The following ANKRD45 variants were observed in gnomAD, a reference collection of about 807,000 sequenced individuals.
ANKRD45 encodes ankyrin repeat domain-containing protein 45.
A neutral mutation model predicts 28.1 loss-of-function variants in ANKRD45; 21 were observed. The observed-to-expected ratio is 0.75, with a 90% confidence interval of 0.53 to 1.08. The LOEUF is 1.08. ANKRD45 is among the 50% of genes least tolerant of loss of function. The probability of loss-of-function intolerance (pLI) is 0.00; values close to 1 mark genes in which losing one functional copy is unlikely to be tolerated. For synonymous variants in ANKRD45, 86 were observed against 103.9 expected, an observed-to-expected ratio of 0.83 and a Z score of 1.05; for missense variants, 261 against 308.7, an observed-to-expected ratio of 0.85 and a Z score of 1.16.
intron 3 of ANKRD45, among the ~76,000 whole-genome samples, chr1:173,642,259 A>G (rs1276411267): frequency 6.6e-6 from 1 of 152,202 alleles, no homozygotes; most frequent in Non-Finnish European, 1.5e-5. Flanking sequence ...ACTTATTCTC[A>G]TAGGCTGTTG....
chr1:173,635,985 C>A, intron 3 of ANKRD45: 1 of 654,570 alleles, frequency 1.5e-6, no homozygotes, highest in Non-Finnish European at 2.6e-6. Flanking sequence ...TTCCCAGCAT[C>A]TAGCACAGTA....
chr1:173,659,059 G>A, intron 2 of ANKRD45, 32 bp downstream of exon 2: 1 of 1,600,032 alleles, frequency 6.2e-7, no homozygotes, highest in Non-Finnish European at 8.5e-7. Flanking sequence ...GTAGTCATAA[G>A]TAATACTGAT....
intron 5 of ANKRD45, among the ~76,000 whole-genome samples, 182 bp downstream of exon 5, chr1:173,624,605 T>G (rs1042044687): frequency 1.3e-5 from 2 of 152,234 alleles, no homozygotes; most frequent in African/African-American, 4.8e-5. Flanking sequence ...ATTCAGTTAT[T>G]ATTAGTTATT....
In ANKRD45 at chr1:173,647,949, A is replaced by AT. The variant is rs556705860; in HGVS notation, c.329-937dup. On this transcript the variant is annotated intron_variant, in intron 2 of 5. Transcript: ENST00000333279. ...TAGGCTCATGCCAGCATGCCCAGAT[A>AT]TTTTTTTTTTTTTAGATGGAGTCTT... Among the ~76,000 whole-genome samples the AT allele has an allele frequency of 5.9e-4, 85 of 145,104 alleles. 1 individual carries two copies. Among genetic ancestry groups the AT allele is most frequent in the South Asian group, 1.1e-3 (5 of 4,530 alleles).
intron 3 of ANKRD45, among the ~76,000 whole-genome samples, chr1:173,631,473 A>G (rs1668194138): frequency 6.6e-6 from 1 of 152,168 alleles, no homozygotes; most frequent in Non-Finnish European, 1.5e-5. Flanking sequence ...AATCTACACT[A>G]CAGACCAAAT....
At chr1:173,669,242 G>C (rs867418903) in intron 1 of ANKRD45, among the ~76,000 whole-genome samples, 1 of 152,112 alleles carries the variant, frequency 6.6e-6, no homozygotes, top group Non-Finnish European at 1.5e-5. Context: ...GTGAAACCTC[G>C]ATAGTGAAGA....
In ANKRD45 at chr1:173,627,069, T is replaced by C. The variant is rs2102327987; in HGVS notation, c.587A>G (p.Asp196Gly). The change falls in exon 4 of 6, where the codon GAC becomes GGC. Residue 196 changes from aspartate (D) to glycine (G), a missense_variant. By Grantham distance (94) the Asp-to-Gly change is moderately conservative. Transcript: ENST00000333279. ...GCAATAATCACAATACAGTACCTTGTCTTCCTTAAGGAGTTTCCCTGATCC... is the reference window on the plus strand; with the variant it reads ...GCAATAATCACAATACAGTACCTTGCCTTCCTTAAGGAGTTTCCCTGATCC... Reference protein sequence around the residue: ...EKGSGKLLKEDKNTILSACRA... With the variant: ...EKGSGKLLKEGKNTILSACRA... The C allele has an allele frequency of 6.2e-7, 1 of 1,600,942 alleles. No homozygotes were observed. The highest frequency in any genetic ancestry group is 1.7e-4 in the Middle Eastern group (1 of 6,040).
At chr1:173,674,715 C>G (rs1571799746), upstream of ANKRD45, among the ~76,000 whole-genome samples, 1 of 152,160 alleles carries the variant, frequency 6.6e-6, no homozygotes, top group African/African-American at 2.4e-5. Flanking sequence ...AGGAGGCAAT[C>G]AGATATGCAT....
the ANKRD45 span, among the ~76,000 whole-genome samples, chr1:173,686,392 TGC>T: frequency 6.6e-6 from 1 of 152,172 alleles, no homozygotes; most frequent in Non-Finnish European, 1.5e-5. Context: ...GAGGGGATGG[TGC>T]TTTCTTGACT....
chr1:173,629,775 C>T lies in ANKRD45; in HGVS notation c.497-2616G>A, dbSNP rs147328706. On this transcript the variant is annotated intron_variant, in intron 3 of 5. Transcript: ENST00000333279. ...ATAATATTAATTAAAAAAAGAACTT[C>T]CCAAACCTAGAGAAATATATCAATA... Among the ~76,000 whole-genome samples, 705 of 152,064 alleles carry T rather than the reference C, an allele frequency of 4.6e-3. 5 individuals carry two copies. The highest frequency in any genetic ancestry group is 0.01 in the Admixed American group (153 of 15,284).
chr1:173,624,554 G>T (rs1193931635), intron 5 of ANKRD45, among the ~76,000 whole-genome samples: 2 of 151,464 alleles, frequency 1.3e-5, no homozygotes, highest in East Asian at 3.9e-4. Flanking sequence ...GACTGATGAT[G>T]GTAATATTAA....
the ANKRD45 span, among the ~76,000 whole-genome samples, chr1:173,684,978 G>A: frequency 6.6e-6 from 1 of 152,318 alleles, no homozygotes; most frequent in African/African-American, 2.4e-5. Context: ...GGTATTCCCT[G>A]TGGGACTTTA....
intron 3 of ANKRD45, among the ~76,000 whole-genome samples, chr1:173,638,450 G>C (rs1239349594): frequency 6.6e-6 from 1 of 152,122 alleles, no homozygotes; most frequent in African/African-American, 2.4e-5. Context: ...TCTAGTAGGA[G>C]AGGTTGAGCC....
chr1:173,660,787 G>A (rs1403478923), intron 1 of ANKRD45, among the ~76,000 whole-genome samples: 1 of 152,168 alleles, frequency 6.6e-6, no homozygotes, highest in African/African-American at 2.4e-5. Flanking sequence ...AGTGAGCTTG[G>A]AAGTAGATCT....
chr1:173,618,709 A>T (rs1467619558), intron 5 of ANKRD45, among the ~76,000 whole-genome samples: 2 of 152,240 alleles, frequency 1.3e-5, no homozygotes, highest in Admixed American at 6.5e-5. Context: ...GTTGGAAAAC[A>T]TACTTCAGGA....
At chr1:173,646,606 T>A (rs541341489) in intron 3 of ANKRD45, among the ~76,000 whole-genome samples, 2 of 152,316 alleles carry the variant, frequency 1.3e-5, no homozygotes, top group East Asian at 3.9e-4. Flanking sequence ...AGACAATTAT[T>A]GGTGAGACAG....
chr1:173,677,291 T>C, the ANKRD45 span, among the ~76,000 whole-genome samples: 1 of 152,090 alleles, frequency 6.6e-6, no homozygotes, highest in Admixed American at 6.5e-5. Flanking sequence ...TTTCAAATTT[T>C]TATAAATATA....
At chr1:173,705,422 G>C in the ANKRD45 span, among the ~76,000 whole-genome samples, 4 of 151,458 alleles carry the variant, frequency 2.6e-5, no homozygotes, top group African/African-American at 9.7e-5. Context: ...CCAGCACTTT[G>C]GGAGCCTAGG....
chr1:173,613,756 C>T (rs898217647), intron 5 of ANKRD45, among the ~76,000 whole-genome samples: 4 of 152,340 alleles, frequency 2.6e-5, no homozygotes, highest in South Asian at 2.1e-4. Flanking sequence ...GCCACCACCC[C>T]GTCTGGGAGG....
Sources: gnomAD v4.1 joint callset for allele counts (sites outside exome capture counted in the v4.1 genomes callset) on GRCh38, gnomAD v4.1.1 for gene constraint, MANE v1.5 for transcripts, NCBI Gene and HGNC (gene_info 2026-07-23, HGNC 2026-07-21) for gene names.